Variants in AGK observed in about 807,000 individuals in gnomAD.
The protein encoded by AGK is acylglycerol kinase, mitochondrial.
In AGK, 52 loss-of-function variants were observed where a neutral mutation model predicts 66.4. That is an observed-to-expected ratio of 0.78 (90% CI 0.63 to 0.99). AGK has a LOEUF of 0.99. Ranked by LOEUF, AGK falls within the 50% of genes least tolerant of loss-of-function variation. AGK has a pLI of 0.00. For synonymous variants in AGK, 182 were observed against 181.1 expected, an observed-to-expected ratio of 1.00 and a Z score of -0.04; for missense variants, 451 against 506.6, an observed-to-expected ratio of 0.89 and a Z score of 1.05.
rs541266453 is a variant in AGK at position 141,650,729 on chromosome 7, T to G, written c.1047-796T>G. 4.2e-6 allele frequency: 4 copies of G among 953,538 alleles called. No homozygotes were observed. The East Asian group carries it at 4.6e-4, about 110-fold the overall frequency. The allele number at this position is 953,538 out of a possible 1,614,324, so 59.1% of individuals were successfully genotyped here. On this transcript the variant is annotated intron_variant, in intron 14 of 15. Coordinates refer to ENST00000649286, the MANE Select transcript of AGK (RefSeq NM_018238.4). ...GTCAAGGTAGATATTGTATGCCAAGTAGACCGCGTTATAAATACAGTCATC... is the reference window on the plus strand; with the variant it reads ...GTCAAGGTAGATATTGTATGCCAAGGAGACCGCGTTATAAATACAGTCATC...
intron 3 of AGK, chr7:141,593,460 ATTTG>A (rs1036617045): frequency 1.2e-5 from 8 of 687,762 alleles, no homozygotes; most frequent in Non-Finnish European, 7.9e-6. Context: ...AGCTCTGGGA[ATTTG>A]TTTGTGTCTG....
At chr7:141,583,580 G>A (rs551907880) in intron 2 of AGK, among the ~76,000 whole-genome samples, 2 of 151,862 alleles carry the variant, frequency 1.3e-5, no homozygotes, top group African/African-American at 4.9e-5. Flanking sequence ...CCCAAAAAAT[G>A]GTGGTTGCCA....
intron 2 of AGK, chr7:141,561,964 G>T (rs1795360233): frequency 4.5e-6 from 2 of 443,658 alleles, no homozygotes; most frequent in Non-Finnish European, 9.1e-6. Context: ...GGGATAGCGG[G>T]CTCTAGGCTG....
At chr7:141,551,768 C>T (rs12703385) in intron 1 of AGK, among the ~76,000 whole-genome samples, 13,930 of 152,152 alleles carry the variant, frequency 0.092, 1,397 homozygotes, top group African/African-American at 0.25. Flanking sequence ...TTCAGCATAG[C>T]CCTTTGCAAA....
At chr7:141,604,403 T>TATATATATATATATATATACAC (rs1301537652) in intron 5 of AGK, among the ~76,000 whole-genome samples, 1 of 141,502 alleles carries the variant, frequency 7.1e-6, no homozygotes, top group African/African-American at 2.6e-5. Context: ...TATATATATA[T>TATATATATATATATATATACAC]ACACATACAT....
intron 1 of AGK, among the ~76,000 whole-genome samples, chr7:141,551,923 A>G (rs1330895961): frequency 6.6e-6 from 1 of 152,082 alleles, no homozygotes; most frequent in East Asian, 1.9e-4. Flanking sequence ...CCACCTGGAT[A>G]CTCCACAGGC....
intron 5 of AGK, among the ~76,000 whole-genome samples, chr7:141,601,859 G>T (rs1269220134): frequency 3.9e-5 from 6 of 152,122 alleles, no homozygotes; most frequent in Non-Finnish European, 8.8e-5. Flanking sequence ...TCTTACTGTG[G>T]TTATAAGTCT....
intron 2 of AGK, among the ~76,000 whole-genome samples, chr7:141,557,810 A>G (rs1252260222): frequency 2.0e-5 from 3 of 152,188 alleles, no homozygotes; most frequent in African/African-American, 4.8e-5. Flanking sequence ...GTTCTCTTGC[A>G]TGATTTGGTA....
chr7:141,574,860 GGGAGCGAGAAAGAATA>G (rs1317136101), intron 2 of AGK, among the ~76,000 whole-genome samples: 1 of 152,342 alleles, frequency 6.6e-6, no homozygotes, highest in African/African-American at 2.4e-5. Flanking sequence ...CTTTATTTCA[GGGAGCGAGAAAGAATA>G]GGTACCAAAC....
intron 3 of AGK, 60 bp from the exon 4 acceptor site, chr7:141,596,502 C>A: frequency 7.0e-7 from 1 of 1,437,456 alleles, no homozygotes; most frequent in Non-Finnish European, 9.8e-7. Context: ...TGAAAGAATA[C>A]ATGTGACATT....
chr7:141,628,629 T>C (rs1392689333), intron 9 of AGK, among the ~76,000 whole-genome samples: 3 of 152,250 alleles, frequency 2.0e-5, no homozygotes, highest in Admixed American at 2.0e-4. Context: ...TGTGTTCACA[T>C]TTCACTTGAA....
intron 2 of AGK, among the ~76,000 whole-genome samples, chr7:141,561,072 C>T (rs1431869703): frequency 6.6e-6 from 1 of 152,160 alleles, no homozygotes; most frequent in South Asian, 2.1e-4. Context: ...GGATTACAGG[C>T]GTGAGCCACC....
rs1797639803 is a variant in AGK at position 141,654,408 on chromosome 7, T to C, written c.*1484T>C. 6.6e-6 allele frequency: 1 copy of C among 152,226 alleles called. No homozygotes were observed. The highest frequency in any genetic ancestry group is 2.1e-4 in the South Asian group (1 of 4,836). The allele number at this position is 152,226 out of a possible 1,614,324, so 9.4% of individuals were successfully genotyped here. ...CGATGGAATAGAATTACGTTAACAA[T>C]GTTTTTACAGTTCTTTGGATTCCTT... On this transcript the variant is annotated 3_prime_UTR_variant, in exon 16 of 16. Coordinates refer to ENST00000649286, the MANE Select transcript of AGK (RefSeq NM_018238.4).
At chr7:141,567,149 T>C (rs1795489522) in intron 2 of AGK, among the ~76,000 whole-genome samples, 1 of 152,162 alleles carries the variant, frequency 6.6e-6, no homozygotes, top group South Asian at 2.1e-4. Context: ...GTGTCCCTCA[T>C]GTTCCATTCT....
At chr7:141,580,424 T>C (rs1587085459) in intron 2 of AGK, among the ~76,000 whole-genome samples, 1 of 151,526 alleles carries the variant, frequency 6.6e-6, no homozygotes, top group Non-Finnish European at 1.5e-5. Flanking sequence ...GGAAATTGGG[T>C]GAATGTCAGG....
chr7:141,572,285 G>T (rs1282036274), intron 2 of AGK, among the ~76,000 whole-genome samples: 3 of 152,188 alleles, frequency 2.0e-5, no homozygotes, highest in Non-Finnish European at 4.4e-5. Context: ...CATTTAAATA[G>T]TTTACACAAA....
At chr7:141,580,348 C>G (rs1795855427) in intron 2 of AGK, among the ~76,000 whole-genome samples, 1 of 151,738 alleles carries the variant, frequency 6.6e-6, no homozygotes, top group South Asian at 2.1e-4. Context: ...GCAATTAGGC[C>G]TGGTAGAACT....
chr7:141,646,202 C>T (rs1462315665), intron 13 of AGK, among the ~76,000 whole-genome samples: 1 of 152,128 alleles, frequency 6.6e-6, no homozygotes, highest in Non-Finnish European at 1.5e-5. Context: ...CAGAACCAAG[C>T]TAGAGGTTTA....
At chr7:141,582,158 A>G (rs776249586) in intron 2 of AGK, among the ~76,000 whole-genome samples, 1 of 152,020 alleles carries the variant, frequency 6.6e-6, no homozygotes. Flanking sequence ...TCCAATTTCC[A>G]GTGGGGTCCT....
Sources: allele counts gnomAD v4.1 joint callset (sites outside exome capture counted in the v4.1 genomes callset), GRCh38; gene constraint gnomAD v4.1.1; transcripts MANE v1.5; gene names NCBI Gene and HGNC (gene_info 2026-07-23, HGNC 2026-07-21).